Variants in FNDC1 observed in about 807,000 individuals in gnomAD.
FNDC1 encodes fibronectin type III domain-containing protein 1.
A neutral mutation model predicts 168.0 loss-of-function variants in FNDC1; 96 were observed. That is an observed-to-expected ratio of 0.57 (90% confidence interval 0.48 to 0.68). The LOEUF is 0.68. Among genes scored for constraint, FNDC1 ranks in the 30% least tolerant of loss-of-function variants. FNDC1 has a pLI of 0.00. For missense variants in FNDC1, 2,587 were observed against 2,482.1 expected, an observed-to-expected ratio of 1.04 and a Z score of -0.90; for synonymous variants, 1,099 against 1,025.9, an observed-to-expected ratio of 1.07 and a Z score of -1.36.
chr6:159,218,843 C>A (rs1281120809), intron 5 of FNDC1, among the ~76,000 whole-genome samples: 1 of 152,000 alleles, frequency 6.6e-6, no homozygotes, highest in Non-Finnish European at 1.5e-5. Flanking sequence ...GGAGAGGAGG[C>A]TGCAGGACAG....
chr6:159,200,779 C>T (rs1782363257), intron 4 of FNDC1, among the ~76,000 whole-genome samples, 198 bp downstream of exon 4: 1 of 152,198 alleles, frequency 6.6e-6, no homozygotes, highest in Non-Finnish European at 1.5e-5. Flanking sequence ...GCTTATTGTT[C>T]ACCGTTCTTT....
chr6:159,183,678 C>T (rs542361624), intron 1 of FNDC1, among the ~76,000 whole-genome samples: 48 of 152,234 alleles, frequency 3.2e-4, no homozygotes, highest in South Asian at 6.2e-4. Context: ...GGGACCAAGA[C>T]GGGGTGACCA....
At chr6:159,255,456 G>T (rs1777353941) in intron 17 of FNDC1, among the ~76,000 whole-genome samples, 1 of 152,186 alleles carries the variant, frequency 6.6e-6, no homozygotes, top group African/African-American at 2.4e-5. Flanking sequence ...ATCGTGGACT[G>T]GTCCTGCAGA....
intron 15 of FNDC1, among the ~76,000 whole-genome samples, chr6:159,248,355 G>A (rs1777180965): frequency 2.0e-5 from 3 of 151,996 alleles, no homozygotes. Flanking sequence ...CTCCAGGCTG[G>A]AGTGCGGTGG....
At chr6:159,262,599 A>T (rs552322851) in intron 19 of FNDC1, among the ~76,000 whole-genome samples, 10 of 152,332 alleles carry the variant, frequency 6.6e-5, no homozygotes, top group Admixed American at 2.0e-4. Context: ...AAAAATATTT[A>T]AAAAAATTCA....
intron 1 of FNDC1, among the ~76,000 whole-genome samples, chr6:159,184,632 T>G (rs1254473191): frequency 6.6e-6 from 1 of 152,164 alleles, no homozygotes; most frequent in Non-Finnish European, 1.5e-5. Context: ...TTCAGGGAGC[T>G]TTCTGAGTAA....
chr6:159,221,954 C>T (rs1246091716), intron 6 of FNDC1, among the ~76,000 whole-genome samples: 1 of 152,170 alleles, frequency 6.6e-6, no homozygotes, highest in African/African-American at 2.4e-5. Context: ...ATAGGAGCAG[C>T]CAAGCGTTCA....
At chr6:159,182,734 T>C (rs1026828067) in intron 1 of FNDC1, among the ~76,000 whole-genome samples, 1 of 152,204 alleles carries the variant, frequency 6.6e-6, no homozygotes, top group Non-Finnish European at 1.5e-5. Flanking sequence ...TTGAATAGCA[T>C]ATTCAAAGAT....
chr6:159,267,091 T>A (rs182711709), intron 21 of FNDC1, among the ~76,000 whole-genome samples: 3 of 152,330 alleles, frequency 2.0e-5, no homozygotes, highest in Admixed American at 2.0e-4. Flanking sequence ...ATTTTGGGCA[T>A]TTTTTGTTGT....
At chr6:159,187,735 C>T (rs1228147578) in intron 1 of FNDC1, among the ~76,000 whole-genome samples, 3 of 152,110 alleles carry the variant, frequency 2.0e-5, no homozygotes, top group Non-Finnish European at 4.4e-5. Flanking sequence ...AAATATAATT[C>T]CAACATCCAT....
At chr6:159,268,317 C>A (rs1393014495) in intron 22 of FNDC1, among the ~76,000 whole-genome samples, 1 of 152,124 alleles carries the variant, frequency 6.6e-6, no homozygotes, top group Admixed American at 6.5e-5. Flanking sequence ...AATGAATAAA[C>A]AGAACAACTG....
At chr6:159,172,219 CA>C (rs1229306587) in intron 1 of FNDC1, among the ~76,000 whole-genome samples, 3 of 152,194 alleles carry the variant, frequency 2.0e-5, no homozygotes, top group African/African-American at 7.2e-5. Context: ...GTGGCAACCC[CA>C]GGGGGAAGCA....
chr6:159,242,227 C>A (rs867648750), intron 14 of FNDC1, among the ~76,000 whole-genome samples: 2 of 152,190 alleles, frequency 1.3e-5, no homozygotes, highest in Non-Finnish European at 1.5e-5. Flanking sequence ...CAAATTAACA[C>A]AGGAACAGAA....
At chr6:159,188,759 T>C (rs1296222929) in intron 1 of FNDC1, among the ~76,000 whole-genome samples, 1 of 150,284 alleles carries the variant, frequency 6.7e-6, no homozygotes, top group Non-Finnish European at 1.5e-5. Flanking sequence ...TTTTTTTTTT[T>C]TTTTTTAAGA....
chr6:159,253,128 C>T lies in FNDC1; in HGVS notation c.5065+1596C>T, dbSNP rs142306405. 5.2e-4 allele frequency among the ~76,000 whole-genome samples: 79 copies of T among 152,304 alleles called. 1 individual carries two copies. The highest frequency in any genetic ancestry group is 3.5e-3 in the South Asian group (17 of 4,828). ...GCCCCACCCTGCACCTCATCTGAAA[C>T]GAAACCTCAGAGCCCTAATCATGAG... On this transcript the variant is annotated intron_variant, in intron 17 of 22. Transcript: ENST00000297267.
intron 1 of FNDC1, among the ~76,000 whole-genome samples, chr6:159,192,665 T>C (rs1318070502): frequency 6.6e-6 from 1 of 152,186 alleles, no homozygotes; most frequent in Admixed American, 6.5e-5. Context: ...TTGGACCATA[T>C]AGACAGTAAG....
intron 7 of FNDC1, among the ~76,000 whole-genome samples, chr6:159,223,881 C>T (rs1287783181): frequency 2.6e-5 from 4 of 152,330 alleles, no homozygotes; most frequent in African/African-American, 9.6e-5. Flanking sequence ...AGCAGGAATT[C>T]ACATCTCACT....
chr6:159,229,729 T>C (rs1363448713), intron 9 of FNDC1, 86 bp from the exon 10 acceptor site: 1 of 1,211,416 alleles, frequency 8.3e-7, no homozygotes, highest in African/African-American at 1.5e-5. Context: ...ATGCACGTTC[T>C]AATTCGTCCT....
In FNDC1 at chr6:159,232,752, G is replaced by T. The variant is rs1359571651; in HGVS notation, c.2240G>T (p.Gly747Val). 6.2e-7 allele frequency: 1 copy of T among 1,613,898 alleles called. No individual in the cohort carries two copies. The highest frequency in any genetic ancestry group is 8.5e-7 in the Non-Finnish European group (1 of 1,179,872). Residue 747 changes from glycine to valine, a missense_variant, in exon 11 of 23, where the codon GGT (glycine) becomes GTT (valine). Physicochemically the swap from Gly to Val is moderately radical, Grantham distance 109 (BLOSUM62 -3). Coordinates refer to ENST00000297267, the MANE Select transcript of FNDC1 (RefSeq NM_032532.3). The surrounding 1 kb of genome is among the most constrained non-coding windows in gnomAD (Gnocchi z 4.9). The stretch of plus-strand genomic sequence containing the variant: ...CCACTTTCCAAGGGCGGGAAGGATG[G>T]TGAGGACGCCCCAGCCACCAACTCC... ...SSPLSKGGKD[G>V]EDAPATNSNA...
Sources: gnomAD v4.1 joint callset for allele counts (sites outside exome capture counted in the v4.1 genomes callset) on GRCh38, gnomAD v4.1.1 for gene constraint, Gnocchi (gnomAD v3.1) non-coding constraint, MANE v1.5 for transcripts, NCBI Gene and HGNC (gene_info 2026-07-23, HGNC 2026-07-21) for gene names.